The following C1D variants were observed in gnomAD, a reference collection of about 807,000 sequenced individuals.
The protein encoded by C1D is C1D nuclear receptor corepressor, also known as nuclear nucleic acid-binding protein C1D.
C1D carries 10 observed loss-of-function variants against 17.5 expected under a neutral mutation model. The ratio of observed to expected loss-of-function variants is 0.57; its 90% CI spans 0.35 to 0.97. C1D has a LOEUF of 0.97. C1D is among the 50% of genes least tolerant of loss of function. The pLI, the probability that C1D is intolerant of heterozygous loss-of-function variation, is 0.01. For synonymous variants in C1D, 49 were observed against 54.0 expected (o/e 0.91, Z 0.40); for missense variants, 136 against 160.1 (o/e 0.85, Z 0.81).
chr2:68,044,741 A>G (rs1558580134), intron 4 of C1D, among the ~76,000 whole-genome samples: 2 of 152,148 alleles, frequency 1.3e-5, no homozygotes, highest in Non-Finnish European at 2.9e-5. Flanking sequence ...GAAAAGGGGA[A>G]GAGGTTTATG....
chr2:68,051,950 T>C (rs1671294461), intron 1 of C1D, among the ~76,000 whole-genome samples: 2 of 151,912 alleles, frequency 1.3e-5, no homozygotes, highest in Non-Finnish European at 1.5e-5. Flanking sequence ...ATTTTTGTGA[T>C]CCGTTCACAA....
rs761125579 is a variant in C1D, at chr2:68,047,206, C to G, written c.105G>C (p.Met35Ile). 4.3e-6 allele frequency: 7 copies of G among 1,609,666 alleles called. No individual in the cohort carries two copies. Among genetic ancestry groups the G allele is most frequent in the Admixed American group, 3.4e-5 (2 of 59,380 alleles). The part of the protein sequence containing the change: ...IGAVDEMLKT[M>I]MSVSRNELLQ... Reference sequence around the variant, plus strand: ...ACAACTCATTTCTAGAAACAGACATCATGGTCTTCAGCATCTCATCCACAG... The same window carrying G: ...ACAACTCATTTCTAGAAACAGACATGATGGTCTTCAGCATCTCATCCACAG... The change falls in exon 2 of 5, where the codon ATG becomes ATC. Residue 35 changes from methionine (M) to isoleucine (I), a missense_variant. By Grantham distance (10) the Met-to-Ile change is conservative. Transcript: ENST00000410067.
intron 1 of C1D, among the ~76,000 whole-genome samples, chr2:68,048,282 T>A (rs553614812): frequency 1.5e-4 from 23 of 152,080 alleles, no homozygotes; most frequent in African/African-American, 2.7e-4. Flanking sequence ...ATAAAAAAAA[T>A]TTTTTTTGTA....
In C1D at chr2:68,041,954, T is replaced by C. The variant is rs1670968183; in HGVS notation, c.*935A>G. ...ACAATACAAACACAGTGTAATCTCCTTTGGACTTCTCATCTGCTTAAGTGG... is the reference window on the plus strand; with the variant it reads ...ACAATACAAACACAGTGTAATCTCCCTTGGACTTCTCATCTGCTTAAGTGG... On this transcript the variant is annotated 3_prime_UTR_variant, in exon 5 of 5. Coordinates refer to ENST00000410067, the MANE Select transcript of C1D (RefSeq NM_173177.3). 6.6e-6 allele frequency: 1 copy of C among 152,052 alleles called. No individual in the cohort carries two copies. Among genetic ancestry groups the C allele is most frequent in the Non-Finnish European group, 1.5e-5 (1 of 67,902 alleles). The allele number at this position is 152,052 out of a possible 1,614,324, so 9.4% of individuals were successfully genotyped here.
intron 1 of C1D, among the ~76,000 whole-genome samples, chr2:68,057,982 C>A (rs892100545): frequency 6.6e-6 from 1 of 152,184 alleles, no homozygotes; most frequent in African/African-American, 2.4e-5. Flanking sequence ...CTGCCCCCAG[C>A]CAACCATTCT....
intron 1 of C1D, among the ~76,000 whole-genome samples, chr2:68,049,575 A>G (rs1417860433): frequency 6.6e-6 from 1 of 152,200 alleles, no homozygotes; most frequent in African/African-American, 2.4e-5. Flanking sequence ...CACAGTAGTC[A>G]AAGACCTACC....
chr2:68,052,529 A>T (rs945568025), intron 1 of C1D, among the ~76,000 whole-genome samples: 1 of 152,228 alleles, frequency 6.6e-6, no homozygotes, highest in African/African-American at 2.4e-5. Context: ...TCTTCAGAAG[A>T]ACATAGTAGA....
intron 1 of C1D, among the ~76,000 whole-genome samples, chr2:68,055,423 A>C (rs1028202541): frequency 6.6e-6 from 1 of 152,168 alleles, no homozygotes; most frequent in Non-Finnish European, 1.5e-5. Flanking sequence ...TGAGAAATAC[A>C]GTACTCTACA....
At chr2:68,050,148 C>T (rs189940765) in intron 1 of C1D, among the ~76,000 whole-genome samples, 2 of 152,256 alleles carry the variant, frequency 1.3e-5, no homozygotes, top group Non-Finnish European at 2.9e-5. Flanking sequence ...AGAATCTAGC[C>T]TATAAAAATC....
At chr2:68,051,572 CCT>C (rs1671283453) in intron 1 of C1D, among the ~76,000 whole-genome samples, 2 of 152,120 alleles carry the variant, frequency 1.3e-5, no homozygotes, top group Admixed American at 1.3e-4. Context: ...CACAATCTGC[CCT>C]GACTGCCCGT....
chr2:68,042,971 G>A lies in C1D; in HGVS notation c.344C>T (p.Ser115Leu), dbSNP rs749460232. The A allele has an allele frequency of 2.5e-6, 4 of 1,609,622 alleles. No individual in the cohort carries two copies. The highest frequency in any genetic ancestry group is 3.4e-6 in the Non-Finnish European group (4 of 1,176,972). ...KAGKLDRGAA[S>L]RFVKNALWEP... ...CCAGAGGGCATTTTTTACAAATCTT[G>A]AAGCTGCACCTCTGTCCAGCTTGCC... Residue 115 changes from serine (S) to leucine (L), a missense_variant, in exon 5 of 5, where the codon TCA (serine) becomes TTA (leucine). By Grantham distance (145) the Ser-to-Leu change is moderately radical. Transcript: ENST00000410067.
In C1D at chr2:68,043,072, A is replaced by G. The variant is rs1395227333; in HGVS notation, c.262-19T>C. 1 of 1,560,556 alleles carries G rather than the reference A, an allele frequency of 6.4e-7. No homozygotes were observed. Among genetic ancestry groups the G allele is most frequent in the South Asian group, 1.2e-5 (1 of 84,612 alleles). On this transcript the variant is annotated intron_variant, in intron 4 of 4. Coordinates refer to ENST00000410067, the MANE Select transcript of C1D (RefSeq NM_173177.3). ...TTCTTTCCTTAAAGATAAAAAACAA[A>G]GGCAATAGATTTACTAAGCTATTCG...
chr2:68,047,240 G>T lies in C1D; in HGVS notation c.71C>A (p.Ser24Tyr). The T allele has an allele frequency of 1.2e-6, 2 of 1,612,176 alleles. No homozygotes were observed. The highest frequency in any genetic ancestry group is 1.7e-6 in the Non-Finnish European group (2 of 1,179,146). ...IHEYLSAFEN[S>Y]IGAVDEMLKT... ...CAGCATCTCATCCACAGCACCAATG[G>T]AATTCTCAAACGCTGACAAATACTC... Residue 24 changes from serine (S) to tyrosine (Y), a missense_variant, in exon 2 of 5, where the codon TCC becomes TAC. Coordinates refer to ENST00000410067, the MANE Select transcript of C1D (RefSeq NM_173177.3).
chr2:68,061,035 T>C (rs892922046), intron 1 of C1D, among the ~76,000 whole-genome samples: 4 of 152,222 alleles, frequency 2.6e-5, no homozygotes, highest in African/African-American at 4.8e-5. Flanking sequence ...CATACGATAA[T>C]GTACATTCCA....
chr2:68,050,060 G>A (rs1671237860), intron 1 of C1D, among the ~76,000 whole-genome samples: 1 of 152,124 alleles, frequency 6.6e-6, no homozygotes, highest in Admixed American at 6.5e-5. Context: ...TGTTAGAAAG[G>A]GTATACACTG....
chr2:68,042,495 G>A lies in C1D; in HGVS notation c.*394C>T, dbSNP rs556177799. On this transcript the variant is annotated 3_prime_UTR_variant, in exon 5 of 5. Coordinates refer to ENST00000410067, the MANE Select transcript of C1D (RefSeq NM_173177.3). ...TTCTTAATATCATATAGTGAAAACA[G>A]ATGTACCTATAATTTCAGCCTACAG... is the stretch of plus-strand genomic sequence containing the variant. The A allele has an allele frequency of 2.4e-4, 37 of 156,524 alleles. No homozygotes were observed. The highest frequency in any genetic ancestry group is 8.7e-4 in the African/African-American group (36 of 41,588). 9.7% of individuals were successfully genotyped at this position (156,524 alleles called of 1,614,324 possible).
In C1D at chr2:68,042,811, G is replaced by T; in HGVS notation, c.*78C>A. ...AAGAAACACATTTAAACCTTGCCCT[G>T]CCACAGAATTATTTTGCGGGGGGGG... On this transcript the variant is annotated 3_prime_UTR_variant, in exon 5 of 5. Transcript: ENST00000410067. The T allele has an allele frequency of 1.5e-6, 1 of 675,274 alleles. No individual in the cohort carries two copies. The highest frequency in any genetic ancestry group is 2.5e-6 in the Non-Finnish European group (1 of 399,458). 41.8% of individuals were successfully genotyped at this position (675,274 alleles called of 1,614,324 possible).
intron 4 of C1D, among the ~76,000 whole-genome samples, chr2:68,044,295 A>T (rs193009219): frequency 7.4e-4 from 113 of 152,386 alleles, no homozygotes; most frequent in Non-Finnish European, 2.6e-4. Flanking sequence ...ACTTGGAAAT[A>T]ATGCCTAGCT....
intron 1 of C1D, among the ~76,000 whole-genome samples, chr2:68,062,509 G>A (rs1044431086): frequency 6.6e-6 from 1 of 152,224 alleles, no homozygotes; most frequent in African/African-American, 2.4e-5. Context: ...GGCAGTCTGT[G>A]AATGTGAATG....
Sources: allele counts gnomAD v4.1 joint callset (sites outside exome capture counted in the v4.1 genomes callset), GRCh38; gene constraint gnomAD v4.1.1; transcripts MANE v1.5; gene names NCBI Gene and HGNC (gene_info 2026-07-23, HGNC 2026-07-21).